The following MTMR3 variants were observed in gnomAD, a reference collection of about 807,000 sequenced individuals.
MTMR3 encodes myotubularin related protein 3.
A neutral mutation model predicts 132.4 loss-of-function variants in MTMR3; 32 were observed. The observed-to-expected ratio is 0.24, with a 90% CI of 0.18 to 0.32. The LOEUF is 0.32. Ranked by LOEUF, MTMR3 falls within the 10% of genes least tolerant of loss-of-function variation. The pLI, the probability that MTMR3 is intolerant of heterozygous loss-of-function variation, is 1.00. For missense variants in MTMR3, 1,216 were observed against 1,489.6 expected (o/e 0.82, Z 3.02); for synonymous variants, 556 against 550.3 (o/e 1.01, Z -0.14).
intron 2 of MTMR3, among the ~76,000 whole-genome samples, chr22:29,958,106 T>C (rs997461850): frequency 2.7e-4 from 41 of 151,168 alleles, no homozygotes; most frequent in African/African-American, 8.7e-4. Context: ...AGTGCAAATA[T>C]GAATTTTAAT....
chr22:29,980,068 TTCCAGCACAGAG>T (rs2066709937), intron 5 of MTMR3: 4 of 152,322 alleles, frequency 2.6e-5, no homozygotes, highest in Admixed American at 2.6e-4. Flanking sequence ...TACACTCCAC[TTCCAGCACAGAG>T]AAGTGTATTA....
intron 1 of MTMR3, among the ~76,000 whole-genome samples, chr22:29,888,354 T>C (rs1276823849): frequency 6.6e-6 from 1 of 152,044 alleles, no homozygotes; most frequent in Non-Finnish European, 1.5e-5. Context: ...GCCTAAAAGG[T>C]TGTTTTTTTC....
At chr22:30,022,441 G>C in intron 18 of MTMR3, 168 bp from the exon 19 acceptor site, 1 of 652,378 alleles carries the variant, frequency 1.5e-6, no homozygotes, top group Non-Finnish European at 2.7e-6. Flanking sequence ...GTCCCCTCCA[G>C]GGAAACGATT....
chr22:29,975,879 T>C (rs568208714), intron 3 of MTMR3, among the ~76,000 whole-genome samples: 2 of 152,360 alleles, frequency 1.3e-5, no homozygotes, highest in South Asian at 4.1e-4. Flanking sequence ...GTGCTGAGAT[T>C]ACAGGCATGA....
intron 19 of MTMR3, chr22:30,023,538 C>T: frequency 1.3e-6 from 2 of 1,594,862 alleles, no homozygotes; most frequent in South Asian, 2.2e-5. Flanking sequence ...ATAACTTCTC[C>T]ACACTAACTC....
chr22:29,982,384 A>G (rs1180550220), intron 5 of MTMR3: 1 of 152,162 alleles, frequency 6.6e-6, no homozygotes, highest in African/African-American at 2.4e-5. Context: ...GATGGAGATC[A>G]GACAGTTGGT....
Position 30,022,030 on chromosome 22 carries a change from C to T in MTMR3, c.3227C>T (p.Thr1076Ile), listed in dbSNP as rs200270694. 813 of 1,613,342 alleles carry T rather than the reference C, an allele frequency of 5.0e-4. No individual in the cohort carries two copies. Among genetic ancestry groups the T allele is most frequent in the Non-Finnish European group, 6.2e-4 (732 of 1,179,242 alleles). Residue 1076 changes from threonine to isoleucine, a missense_variant and splice_region_variant, in exon 18 of 20, where the codon ACT becomes ATT. This residue lies in a region of MTMR3 where 852 missense variants were observed against 852.0 expected (regional missense o/e 1.00). Coordinates refer to ENST00000401950, the MANE Select transcript of MTMR3 (RefSeq NM_021090.4). ...HFNGDFGDEV[T>I]SIPDSESNLD... ...TCAGCTGTGTTTGTTTGCCAACAGACTTCAATCCCCGACTCGGAAAGCAAT... is the reference window on the plus strand; with the variant it reads ...TCAGCTGTGTTTGTTTGCCAACAGATTTCAATCCCCGACTCGGAAAGCAAT...
intron 15 of MTMR3, 91 bp from the exon 16 acceptor site, chr22:30,017,836 C>A: frequency 1.3e-6 from 2 of 1,539,340 alleles, no homozygotes; most frequent in Non-Finnish European, 1.8e-6. Context: ...GTTGGGTATT[C>A]CAGCTGGGTG....
At chr22:29,954,970 T>C (rs1407971220) in intron 1 of MTMR3, among the ~76,000 whole-genome samples, 1 of 152,212 alleles carries the variant, frequency 6.6e-6, no homozygotes, top group East Asian at 1.9e-4. Flanking sequence ...TGCTTCCTTT[T>C]TTTCCATTAT....
intron 1 of MTMR3, among the ~76,000 whole-genome samples, chr22:29,921,653 C>T (rs1369643442): frequency 6.6e-6 from 1 of 152,156 alleles, no homozygotes; most frequent in African/African-American, 2.4e-5. Context: ...TCAATTGAAA[C>T]TCTGTACTTA....
At chr22:29,891,016 A>C (rs1183368984) in intron 1 of MTMR3, among the ~76,000 whole-genome samples, 3 of 150,474 alleles carry the variant, frequency 2.0e-5, no homozygotes, top group African/African-American at 5.0e-5. Flanking sequence ...ACATAGCGAG[A>C]CCATCTCTTT....
In MTMR3 at chr22:29,960,672, A is replaced by T. The variant is rs568046577; in HGVS notation, c.-85+3584A>T. Reference sequence around the variant, plus strand: ...ATATCTTAATTCTCACAATTCTTTGATGCAATGATTGTTCTCCTTGTTTTC... The same window carrying T: ...ATATCTTAATTCTCACAATTCTTTGTTGCAATGATTGTTCTCCTTGTTTTC... On this transcript the variant is annotated intron_variant, in intron 2 of 19. Coordinates refer to ENST00000401950, the MANE Select transcript of MTMR3 (RefSeq NM_021090.4). Among the ~76,000 whole-genome samples, 9 of 152,320 alleles carry T rather than the reference A, an allele frequency of 5.9e-5. No homozygotes were observed. The South Asian group carries it at 1.9e-3, about 32-fold the overall frequency.
chr22:29,921,787 C>T (rs2065419159), intron 1 of MTMR3, among the ~76,000 whole-genome samples: 1 of 151,470 alleles, frequency 6.6e-6, no homozygotes, highest in South Asian at 2.1e-4. Flanking sequence ...AATATTTGAC[C>T]TTCTATGACT....
chr22:29,890,253 A>T (rs1247498533), intron 1 of MTMR3, among the ~76,000 whole-genome samples: 1 of 151,758 alleles, frequency 6.6e-6, no homozygotes, highest in Non-Finnish European at 1.5e-5. Context: ...GTGGTGGCTC[A>T]TGCATGTAAT....
At chr22:29,891,085 C>A (rs2064789352) in intron 1 of MTMR3, among the ~76,000 whole-genome samples, 1 of 149,874 alleles carries the variant, frequency 6.7e-6, no homozygotes, top group Admixed American at 6.7e-5. Context: ...ATTGATAGGA[C>A]TTCGTGTTGT....
chr22:29,896,742 TAA>T (rs1005296469), intron 1 of MTMR3, among the ~76,000 whole-genome samples: 6 of 152,148 alleles, frequency 3.9e-5, no homozygotes, highest in African/African-American at 1.4e-4. Flanking sequence ...ACCATTTATT[TAA>T]GAGTGTATTC....
intron 1 of MTMR3, among the ~76,000 whole-genome samples, chr22:29,932,242 A>G (rs1181802373): frequency 6.6e-6 from 1 of 152,206 alleles, no homozygotes; most frequent in Non-Finnish European, 1.5e-5. Flanking sequence ...GTATAGACCC[A>G]TGTAACTACA....
Position 30,019,845 on chromosome 22 carries a change from G to A in MTMR3, c.2186G>A (p.Arg729Lys), listed in dbSNP as rs745313060. ...EDPLLEKESR[R>K]KTPEASAIGL... ...CCTCTCTTAGAAAAGGAGAGCAGGA[G>A]GAAGACACCTGAGGCCTCAGCCATT... Residue 729 changes from arginine to lysine, a missense_variant, in exon 17 of 20, where the codon AGG becomes AAG. Physicochemically the swap from Arg to Lys is conservative, Grantham distance 26 (BLOSUM62 2). This residue lies in a region of MTMR3 where 852 missense variants were observed against 852.0 expected (regional missense o/e 1.00). Transcript: ENST00000401950. 1 of 1,614,104 alleles carries A rather than the reference G, an allele frequency of 6.2e-7. No homozygotes were observed. The highest frequency in any genetic ancestry group is 2.2e-5 in the East Asian group (1 of 44,888).
At chr22:29,945,885 G>A (rs1602532977) in intron 1 of MTMR3, among the ~76,000 whole-genome samples, 1 of 152,156 alleles carries the variant, frequency 6.6e-6, no homozygotes, top group East Asian at 1.9e-4. Flanking sequence ...GAAATGTAAT[G>A]TCAGAGGGTT....
Sources: allele counts gnomAD v4.1 joint callset (sites outside exome capture counted in the v4.1 genomes callset), GRCh38; gene constraint gnomAD v4.1.1; regional missense constraint gnomAD v4.1.1; transcripts MANE v1.5; gene names NCBI Gene and HGNC (gene_info 2026-07-23, HGNC 2026-07-21).